The following TICRR variants were observed in gnomAD, a reference collection of about 807,000 sequenced individuals.
TICRR encodes the protein treslin.
A neutral mutation model predicts 178.1 loss-of-function variants in TICRR; 132 were observed. The ratio of observed to expected loss-of-function variants is 0.74; its 90% CI spans 0.64 to 0.86. The LOEUF (loss-of-function observed/expected upper bound fraction) is 0.86. Ranked by LOEUF, TICRR falls within the 40% of genes least tolerant of loss-of-function variation. The pLI is 0.00. For synonymous variants in TICRR, 991 were observed against 900.7 expected, an observed-to-expected ratio of 1.10 and a Z score of -1.79; for missense variants, 2,587 against 2,334.3, an observed-to-expected ratio of 1.11 and a Z score of -2.23.
chr15:89,620,734 G>T (rs1963409998), intron 18 of TICRR, among the ~76,000 whole-genome samples: 1 of 150,394 alleles, frequency 6.6e-6, no homozygotes. Context: ...TTGTTTGTTT[G>T]TTTTTTGAGA....
At chr15:89,613,685 ATTTAC>A (rs1963287338) in intron 15 of TICRR, among the ~76,000 whole-genome samples, 1 of 134,536 alleles carries the variant, frequency 7.4e-6, no homozygotes, top group South Asian at 2.3e-4. Flanking sequence ...GCCACCTCAA[ATTTAC>A]TTTTCATTTT....
Position 89,609,100 on chromosome 15 carries a change from CTTTTTTTTTTTT to C in TICRR, c.2869+168_2869+179del, listed in dbSNP as rs59398617. 151 of 84,890 alleles carry C rather than the reference CTTTTTTTTTTTT, an allele frequency of 1.8e-3. 2 individuals are homozygous for C. The highest frequency in any genetic ancestry group is 0.013 in the Middle Eastern group (2 of 158). 5.3% of individuals were successfully genotyped at this position (84,890 alleles called of 1,614,324 possible). A position where few individuals can be genotyped will look rare whatever the true frequency, so the allele number is the denominator to read the frequency against. On this transcript the variant is annotated intron_variant, in intron 15 of 21. Coordinates refer to ENST00000268138, the MANE Select transcript of TICRR (RefSeq NM_152259.4). ...CTAAAGGTTTGTCAATTTTGTTAATCTTTTTTTTTTTTTTTTTTTTTTTTTTTTGAGACAGGT... is the reference window on the plus strand; with the variant it reads ...CTAAAGGTTTGTCAATTTTGTTAATCTTTTTTTTTTTTTTTTGAGACAGGT...
intron 15 of TICRR, among the ~76,000 whole-genome samples, chr15:89,610,288 A>T (rs548033719): frequency 5.3e-5 from 8 of 152,242 alleles, no homozygotes; most frequent in African/African-American, 1.9e-4. Flanking sequence ...TTGTTTATTT[A>T]TTATTCAAAG....
At chr15:89,621,980 C>CT (rs777496678) in intron 19 of TICRR, among the ~76,000 whole-genome samples, 1 of 82,760 alleles carries the variant, frequency 1.2e-5, no homozygotes, top group East Asian at 2.8e-4. Flanking sequence ...TACAAACTGA[C>CT]TCTTTTTTTT....
intron 15 of TICRR, among the ~76,000 whole-genome samples, 179 bp downstream of exon 15, chr15:89,609,128 T>TTTTTTTTG (rs1963218852): frequency 1.1e-5 from 1 of 87,480 alleles, no homozygotes; most frequent in Non-Finnish European, 2.4e-5. Context: ...TTTTTTTTTT[T>TTTTTTTTG]GAGACAGGTT....
At chr15:89,576,798 G>C in intron 1 of TICRR, among the ~76,000 whole-genome samples, 1 of 85,694 alleles carries the variant, frequency 1.2e-5, no homozygotes, top group African/African-American at 3.7e-5. Flanking sequence ...ACAATACCCA[G>C]GGGTGTGTGT....
rs1963423293 is a variant in TICRR, at chr15:89,621,435, A to G, written c.3197A>G (p.Lys1066Arg). 3 of 1,613,860 alleles carry G rather than the reference A, an allele frequency of 1.9e-6. No homozygotes were observed. The highest frequency in any genetic ancestry group is 2.2e-5 in the East Asian group (1 of 44,894). The change falls in exon 19 of 22, where the codon AAG becomes AGG. Residue 1066 changes from lysine (K) to arginine (R), a missense_variant. Physicochemically the swap from Lys to Arg is conservative, Grantham distance 26. Coordinates refer to ENST00000268138, the MANE Select transcript of TICRR (RefSeq NM_152259.4). ...CCAGTCCAAAGTATTCGGTCTCCCAAGAGTCTTCTTTTTGGGGCAATGTCT... is the reference window on the plus strand; with the variant it reads ...CCAGTCCAAAGTATTCGGTCTCCCAGGAGTCTTCTTTTTGGGGCAATGTCT... ...NSPVQSIRSPKSLLFGAMSEM... is the reference protein window; with the variant it reads ...NSPVQSIRSPRSLLFGAMSEM...
chr15:89,575,616 G>T lies in TICRR; in HGVS notation c.30G>T (p.Leu10=), dbSNP rs1004036288. The T allele has an allele frequency of 1.3e-6, 2 of 1,533,482 alleles. No homozygotes were observed. Among genetic ancestry groups the T allele is most frequent in the African/African-American group, 2.8e-5 (2 of 72,088 alleles). 95.0% of individuals were successfully genotyped at this position (1,533,482 alleles called of 1,614,324 possible). MACCHKVML[L]LDTAGGAARH... ...CATGCTGTCACAAAGTAATGCTGCT[G>T]CTGGACACCGCGGGCGGCGCCGCCC... Residue 10 remains leucine, a synonymous_variant, in exon 1 of 22, where the codon CTG becomes CTT. Transcript: ENST00000268138.
chr15:89,577,223 C>T (rs949016885), intron 1 of TICRR, among the ~76,000 whole-genome samples: 5 of 152,072 alleles, frequency 3.3e-5, no homozygotes, highest in Non-Finnish European at 7.4e-5. Flanking sequence ...TGTAGGTGTT[C>T]AGTCAGTATT....
Position 89,584,303 on chromosome 15 carries a change from G to T in TICRR, c.952G>T (p.Glu318Ter). ...ATTTCTAGCAGGCAAAGAGATTCAA[G>T]AAACATGGACAGTCACCCTAGAGCC... ...LPVEAGKEIQ[E>*]TWTVTLEPLA... The change falls in exon 3 of 22, where the codon GAA (glutamate) becomes TAA (stop). Residue 318 changes from glutamate (E) to a stop codon, truncating the protein, a stop_gained. Coordinates refer to ENST00000268138, the MANE Select transcript of TICRR (RefSeq NM_152259.4). LOFTEE classifies it high-confidence loss of function. 6.2e-7 allele frequency: 1 copy of T among 1,605,024 alleles called. No individual in the cohort carries two copies. The highest frequency in any genetic ancestry group is 8.5e-7 in the Non-Finnish European group (1 of 1,175,922).
rs1490641777 is a variant in TICRR, at chr15:89,624,214, T to C, written c.3904T>C (p.Ser1302Pro). 6.2e-7 allele frequency: 1 copy of C among 1,614,168 alleles called. No individual in the cohort carries two copies. The highest frequency in any genetic ancestry group is 1.7e-5 in the Admixed American group (1 of 60,016). The change falls in exon 20 of 22, where the codon TCT becomes CCT. Residue 1302 changes from serine to proline, a missense_variant. By Grantham distance (74) the Ser-to-Pro change is moderately conservative. Coordinates refer to ENST00000268138, the MANE Select transcript of TICRR (RefSeq NM_152259.4). ...PKRPGNSTVT[S>P]SPPVTPKKLF... ...AAGACCAGGGAATTCAACTGTGACT[T>C]CTTCCCCACCTGTTACGCCAAAGAA...
chr15:89,577,135 G>A (rs1030320223), intron 1 of TICRR, among the ~76,000 whole-genome samples: 2 of 151,816 alleles, frequency 1.3e-5, no homozygotes, highest in African/African-American at 2.4e-5. Flanking sequence ...CAGGCAATCC[G>A]CCTGCCTTGG....
At chr15:89,609,487 T>C (rs114579335) in intron 15 of TICRR, among the ~76,000 whole-genome samples, 1,816 of 152,196 alleles carry the variant, frequency 0.012, 46 homozygotes, top group African/African-American at 0.042. Context: ...TGTCTTTTTT[T>C]TGAGTCAGAG....
chr15:89,612,545 T>C (rs1963271062), intron 15 of TICRR, among the ~76,000 whole-genome samples: 1 of 152,194 alleles, frequency 6.6e-6, no homozygotes, highest in Admixed American at 6.5e-5. Flanking sequence ...AAAAGGGAAA[T>C]GGTAGCCAGT....
intron 20 of TICRR, 62 bp from the exon 21 acceptor site, chr15:89,625,874 A>G (rs1033718991): frequency 1.3e-6 from 2 of 1,541,566 alleles, no homozygotes; most frequent in African/African-American, 2.8e-5. Flanking sequence ...GCTTCTTGGG[A>G]GGCCTGGGCT....
At chr15:89,618,942 A>G (rs1963378976) in intron 17 of TICRR, among the ~76,000 whole-genome samples, 3 of 152,238 alleles carry the variant, frequency 2.0e-5, no homozygotes, top group Admixed American at 2.0e-4. Flanking sequence ...CTAGCGACAG[A>G]GCAAGACCAT....
intron 20 of TICRR, 67 bp downstream of exon 20, chr15:89,625,853 A>G: frequency 6.5e-7 from 1 of 1,546,216 alleles, no homozygotes; most frequent in African/African-American, 1.4e-5. Flanking sequence ...ACAAGGAGGC[A>G]CTTGGGAGTT....
chr15:89,616,849 G>T (rs1412312162), intron 16 of TICRR, among the ~76,000 whole-genome samples: 1 of 152,222 alleles, frequency 6.6e-6, no homozygotes, highest in African/African-American at 2.4e-5. Flanking sequence ...GCTGACAGAG[G>T]TGTGGGTGGG....
chr15:89,619,324 C>T (rs1963386674), intron 17 of TICRR, among the ~76,000 whole-genome samples: 1 of 148,184 alleles, frequency 6.7e-6, no homozygotes, highest in Admixed American at 6.9e-5. Flanking sequence ...CTCCCAGGTT[C>T]AAGCGATTCT....
Sources: allele counts gnomAD v4.1 joint callset (sites outside exome capture counted in the v4.1 genomes callset), GRCh38; gene constraint gnomAD v4.1.1; transcripts MANE v1.5; gene names NCBI Gene and HGNC (gene_info 2026-07-23, HGNC 2026-07-21).